DOCK1: variants seen among roughly 807,000 people sequenced by gnomAD.
DOCK1 encodes dedicator of cytokinesis protein 1.
In DOCK1, 138 loss-of-function variants were observed where a neutral mutation model predicts 262.7. That is an observed-to-expected ratio of 0.53 (90% CI 0.46 to 0.61). The LOEUF is 0.61. Ranked by LOEUF, DOCK1 falls within the 20% of genes least tolerant of loss-of-function variation. The pLI is 0.00. For missense variants in DOCK1, 1,908 were observed against 2,370.7 expected (o/e 0.80, Z 4.05); for synonymous variants, 866 against 867.4 (o/e 1.00, Z 0.03).
intron 21 of DOCK1, among the ~76,000 whole-genome samples, chr10:127,049,015 A>G (rs1284327788): frequency 1.3e-5 from 2 of 152,224 alleles, no homozygotes; most frequent in African/African-American, 4.8e-5. Flanking sequence ...AAGCAAGAAG[A>G]AATAAATGCG....
rs752785127 is a variant in DOCK1 at position 127,362,960 on chromosome 10, TC to T, written c.3432+752del. 1.6e-3 allele frequency among the ~76,000 whole-genome samples: 12 copies of T among 7,356 alleles called. No individual in the cohort carries two copies. The East Asian group carries it at 0.051, about 31-fold the overall frequency. The allele number at this position is 7,356 out of a possible 152,430, so 4.8% of individuals were successfully genotyped here. The stretch of plus-strand genomic sequence containing the variant: ...CCCCCCACACACATACACATGTGCA[TC>T]CCCACATACACATACACATACACAT... On this transcript the variant is annotated intron_variant, in intron 33 of 51. Coordinates refer to ENST00000623213, the MANE Select transcript of DOCK1 (RefSeq NM_001290223.2).
rs188049605 is a variant in DOCK1, at chr10:127,006,807, G to A, written c.986-1925G>A. Among the ~76,000 whole-genome samples the A allele has an allele frequency of 3.6e-4, 54 of 152,080 alleles. 1 individual carries two copies. The highest frequency in any genetic ancestry group is 2.6e-3 in the Admixed American group (40 of 15,302). ...GAGTCCCATGGTCAGCTGGTGAGAT[G>A]AGTCCCATGGCAGAGCAGAGCTCTG... On this transcript the variant is annotated intron_variant, in intron 10 of 51. Coordinates refer to ENST00000623213, the MANE Select transcript of DOCK1 (RefSeq NM_001290223.2).
intron 27 of DOCK1, among the ~76,000 whole-genome samples, chr10:127,170,336 C>T (rs2054452917): frequency 1.3e-5 from 2 of 152,212 alleles, no homozygotes; most frequent in African/African-American, 2.4e-5. Context: ...CTCTTGCTCT[C>T]TCCCCCTACC....
intron 29 of DOCK1, among the ~76,000 whole-genome samples, chr10:127,294,502 A>C (rs1033541119): frequency 6.6e-6 from 1 of 151,704 alleles, no homozygotes; most frequent in Non-Finnish European, 1.5e-5. Flanking sequence ...TTGTACTTTT[A>C]GTAGAGATGG....
Position 127,052,781 on chromosome 10 carries a change from A to G in DOCK1, c.2302A>G (p.Lys768Glu). Residue 768 changes from lysine to glutamate, a missense_variant, in exon 22 of 52, where the codon AAG becomes GAG. Around this residue, in one of 9 missense-constraint regions of DOCK1, gnomAD observed 518 missense variants for 575.1 expected, o/e 0.90. Transcript: ENST00000623213. ...CATGAAAGCGCTAGAATCCATCTTC[A>G]AGTTCATCGTGCGCTCCAGGATCCT... is the stretch of plus-strand genomic sequence containing the variant. ...KAMKALESIF[K>E]FIVRSRILFN... The G allele has an allele frequency of 6.2e-7, 1 of 1,613,886 alleles. No individual in the cohort carries two copies. Among genetic ancestry groups the G allele is most frequent in the South Asian group, 1.1e-5 (1 of 91,054 alleles).
chr10:127,017,500 GACAC>G (rs139215919), intron 12 of DOCK1, among the ~76,000 whole-genome samples: 2 of 150,188 alleles, frequency 1.3e-5, no homozygotes, highest in African/African-American at 2.5e-5. Flanking sequence ...GATACACAGA[GACAC>G]ACACAGACAC....
chr10:127,250,549 G>A (rs2059590520), intron 28 of DOCK1, among the ~76,000 whole-genome samples: 1 of 152,090 alleles, frequency 6.6e-6, no homozygotes, highest in Non-Finnish European at 1.5e-5. Context: ...CCAGCACTTT[G>A]GGAGGTGGAG....
In DOCK1 at chr10:126,990,448, C is replaced by T. The variant is rs187880631; in HGVS notation, c.325-7C>T. On this transcript the variant is annotated splice_region_variant and splice_polypyrimidine_tract_variant and intron_variant, in intron 5 of 51. Coordinates refer to ENST00000623213, the MANE Select transcript of DOCK1 (RefSeq NM_001290223.2). ...AAATCTTTCTGATTGGGTTTTTCCC[C>T]GTATAGCAAGATAACAGGGAGATGT... The T allele has an allele frequency of 8.1e-6, 13 of 1,599,440 alleles. No homozygotes were observed. Among genetic ancestry groups the T allele is most frequent in the African/African-American group, 2.7e-5 (2 of 74,792 alleles).
intron 10 of DOCK1, among the ~76,000 whole-genome samples, chr10:127,005,009 G>T (rs11017413): frequency 0.046 from 6,957 of 152,046 alleles, 222 homozygotes; most frequent in Non-Finnish European, 0.069. Context: ...CTTATTCAGT[G>T]TGTTGTCCAA....
At chr10:127,227,252 C>G (rs533086040) in intron 27 of DOCK1, among the ~76,000 whole-genome samples, 1 of 152,314 alleles carries the variant, frequency 6.6e-6, no homozygotes, top group Admixed American at 6.5e-5. Flanking sequence ...AGGGCCATGG[C>G]AGCACAAATA....
chr10:127,107,389 C>T (rs1052169636), intron 24 of DOCK1, among the ~76,000 whole-genome samples: 1 of 152,150 alleles, frequency 6.6e-6, no homozygotes, highest in African/African-American at 2.4e-5. Flanking sequence ...CTCTGGGAGG[C>T]GCTGTCCCCC....
intron 23 of DOCK1, among the ~76,000 whole-genome samples, chr10:127,075,198 AAGG>A (rs2046453026): frequency 7.1e-6 from 1 of 140,842 alleles, no homozygotes; most frequent in Non-Finnish European, 1.5e-5. Context: ...AAAAAAAAAA[AAGG>A]AGAGTTGTTA....
At chr10:126,905,768 G>C (rs1437904636) in intron 1 of DOCK1, among the ~76,000 whole-genome samples, 3 of 150,914 alleles carry the variant, frequency 2.0e-5, no homozygotes, top group Non-Finnish European at 3.0e-5. Context: ...CCAGCCCCGG[G>C]GATGCGGGTC....
intron 29 of DOCK1, among the ~76,000 whole-genome samples, chr10:127,328,738 C>T (rs896178262): frequency 6.6e-6 from 1 of 152,100 alleles, no homozygotes; most frequent in South Asian, 2.1e-4. Flanking sequence ...CCACCTACTT[C>T]CAGAGAGATC....
At chr10:127,060,701 T>G (rs2045475090) in intron 22 of DOCK1, among the ~76,000 whole-genome samples, 1 of 151,956 alleles carries the variant, frequency 6.6e-6, no homozygotes, top group South Asian at 2.1e-4. Context: ...GTAACATATA[T>G]TAGCATACAT....
At chr10:127,422,158 CTTTT>C (rs35535729) in intron 46 of DOCK1, among the ~76,000 whole-genome samples, 2 of 61,368 alleles carry the variant, frequency 3.3e-5, no homozygotes, top group Non-Finnish European at 5.8e-5. Flanking sequence ...TTTTGTTTGT[CTTTT>C]TTTTTTTTTT....
intron 23 of DOCK1, among the ~76,000 whole-genome samples, chr10:127,063,031 C>T (rs1465971069): frequency 6.6e-6 from 1 of 152,176 alleles, no homozygotes; most frequent in Non-Finnish European, 1.5e-5. Context: ...GCAGGACCCC[C>T]ACAATCTTGG....
At chr10:127,011,362 G>A (rs1488766676) in intron 11 of DOCK1, among the ~76,000 whole-genome samples, 1 of 152,168 alleles carries the variant, frequency 6.6e-6, no homozygotes, top group Non-Finnish European at 1.5e-5. Context: ...CTCCCTCCCT[G>A]TCTTTTTTAA....
At chr10:127,200,095 G>GA (rs2057385773) in intron 27 of DOCK1, among the ~76,000 whole-genome samples, 1 of 152,190 alleles carries the variant, frequency 6.6e-6, no homozygotes, top group Admixed American at 6.5e-5. Flanking sequence ...CTATGGACGT[G>GA]AATTTTTCTT....
Sources: allele counts gnomAD v4.1 joint callset (sites outside exome capture counted in the v4.1 genomes callset), GRCh38; gene constraint gnomAD v4.1.1; regional missense constraint gnomAD v4.1.1; transcripts MANE v1.5; gene names NCBI Gene and HGNC (gene_info 2026-07-23, HGNC 2026-07-21).